The following PRKAG2 variants were observed in gnomAD, a reference collection of about 807,000 sequenced individuals.
PRKAG2 encodes the protein 5'-AMP-activated protein kinase subunit gamma-2.
A neutral mutation model predicts 69.6 loss-of-function variants in PRKAG2; 26 were observed. The ratio of observed to expected loss-of-function variants is 0.37; its 90% CI spans 0.27 to 0.52. PRKAG2 has a LOEUF of 0.52. PRKAG2 is among the 20% of genes least tolerant of loss of function. PRKAG2 has a pLI of 0.90. For missense variants in PRKAG2, 557 were observed against 740.0 expected (o/e 0.75, Z 2.87); for synonymous variants, 293 against 285.0 (o/e 1.03, Z -0.28).
In PRKAG2 at chr7:151,697,828, G is replaced by C. The variant is rs111465750; in HGVS notation, c.467-22191C>G. Among the ~76,000 whole-genome samples the C allele has an allele frequency of 4.8e-4, 73 of 152,264 alleles. 1 individual carries two copies. Reference sequence around the variant, plus strand: ...CCTGCCTTCCAACCTCATCCACCCAGTGGCTCAAGGCTGCCAGGATAAAGA... The same window carrying C: ...CCTGCCTTCCAACCTCATCCACCCACTGGCTCAAGGCTGCCAGGATAAAGA... On this transcript the variant is annotated intron_variant, in intron 3 of 15. Coordinates refer to ENST00000287878, the MANE Select transcript of PRKAG2 (RefSeq NM_016203.4).
chr7:151,821,308 G>A (rs1320109960), intron 1 of PRKAG2, among the ~76,000 whole-genome samples: 4 of 152,218 alleles, frequency 2.6e-5, no homozygotes, highest in Non-Finnish European at 5.9e-5. Flanking sequence ...ACACTGTCAA[G>A]GCTCTGGAAG....
At chr7:151,874,032 T>G (rs1344483643) in intron 1 of PRKAG2, among the ~76,000 whole-genome samples, 2 of 148,930 alleles carry the variant, frequency 1.3e-5, no homozygotes, top group African/African-American at 5.0e-5. Flanking sequence ...ATGATGTATA[T>G]GTATATGATG....
intron 1 of PRKAG2, among the ~76,000 whole-genome samples, chr7:151,831,195 AAT>A (rs2079018985): frequency 6.6e-6 from 1 of 152,194 alleles, no homozygotes; most frequent in Non-Finnish European, 1.5e-5. Context: ...TCAGAAGTTA[AAT>A]ATAAAGTCAC....
chr7:151,854,360 CA>C (rs1174201991), intron 1 of PRKAG2, among the ~76,000 whole-genome samples: 1 of 152,248 alleles, frequency 6.6e-6, no homozygotes, highest in East Asian at 1.9e-4. Context: ...CTGGACTTAG[CA>C]GCACACGGAC....
At position 151,861,858 on chromosome 7, in the gene PRKAG2, G is replaced by A. The variant is rs373149983; in HGVS notation, c.114+14649C>T. Among the ~76,000 whole-genome samples the A allele has an allele frequency of 1.5e-3, 235 of 152,078 alleles. 2 individuals carry two copies. Among genetic ancestry groups the A allele is most frequent in the African/African-American group, 5.6e-3 (232 of 41,478 alleles). ...GGGCAATCATTGACACCGGGGTTGC[G>A]ACCTTGGCCTCTGGCACCCAAACTC... On this transcript the variant is annotated intron_variant, in intron 1 of 15. Transcript: ENST00000287878.
At chr7:151,857,882 T>A (rs965148049) in intron 1 of PRKAG2, among the ~76,000 whole-genome samples, 4 of 152,220 alleles carry the variant, frequency 2.6e-5, no homozygotes, top group Admixed American at 6.5e-5. Flanking sequence ...TGATTTCCTG[T>A]CACTAGGAAG....
chr7:151,821,333 T>A (rs938160802), intron 1 of PRKAG2, among the ~76,000 whole-genome samples: 1 of 152,192 alleles, frequency 6.6e-6, no homozygotes, highest in African/African-American at 2.4e-5. Context: ...TAGAAGGCTG[T>A]GGAAGGCTCA....
intron 1 of PRKAG2, chr7:151,837,618 G>C (rs542019375): frequency 2.6e-5 from 4 of 152,296 alleles, no homozygotes; most frequent in South Asian, 2.1e-4. Context: ...CTCGAGGGGG[G>C]ACTGCAGGGA....
intron 4 of PRKAG2, 157 bp downstream of exon 4, chr7:151,675,263 C>A (rs540114565): frequency 1.7e-4 from 137 of 807,014 alleles, no homozygotes; most frequent in Non-Finnish European, 2.6e-4. Flanking sequence ...CTCACCATTT[C>A]TCCCTCAGCC....
intron 6 of PRKAG2, among the ~76,000 whole-genome samples, chr7:151,588,838 T>C (rs1971030): frequency 0.54 from 82,704 of 151,962 alleles, 23,297 homozygotes; most frequent in East Asian, 0.81. Context: ...GTCTCAGGTA[T>C]GTCTTTATTG....
chr7:151,772,877 T>G (rs1208298686), intron 3 of PRKAG2, among the ~76,000 whole-genome samples: 1 of 151,728 alleles, frequency 6.6e-6, no homozygotes. Context: ...TTCCACCTAT[T>G]GCGGGCAAAG....
intron 4 of PRKAG2, among the ~76,000 whole-genome samples, chr7:151,664,789 T>A (rs150333433): frequency 7.8e-4 from 119 of 152,328 alleles, no homozygotes; most frequent in African/African-American, 2.4e-3. Flanking sequence ...ACATCTCAAC[T>A]CTACAACACC....
At chr7:151,745,300 T>A in intron 3 of PRKAG2, among the ~76,000 whole-genome samples, 1 of 152,160 alleles carries the variant, frequency 6.6e-6, no homozygotes, top group South Asian at 2.1e-4. Flanking sequence ...TAGCACATAT[T>A]TGCCAGAGCT....
chr7:151,702,947 G>A (rs934722605), intron 3 of PRKAG2, among the ~76,000 whole-genome samples: 15 of 152,178 alleles, frequency 9.9e-5, no homozygotes, highest in African/African-American at 3.4e-4. Context: ...TAGAGTGAAT[G>A]TCAAACTGCC....
chr7:151,559,525 C>T (rs1584905936), intron 15 of PRKAG2: 1 of 982,364 alleles, frequency 1.0e-6, no homozygotes, highest in Non-Finnish European at 1.2e-6. Context: ...TGATGCCTGG[C>T]CTGAGGACCA....
At chr7:151,749,359 G>T (rs1434552962) in intron 3 of PRKAG2, among the ~76,000 whole-genome samples, 1 of 152,104 alleles carries the variant, frequency 6.6e-6, no homozygotes, top group African/African-American at 2.4e-5. Context: ...TGTAGTCCCC[G>T]GTATCCACCT....
At chr7:151,642,461 C>T (rs1826900303) in intron 4 of PRKAG2, among the ~76,000 whole-genome samples, 1 of 152,126 alleles carries the variant, frequency 6.6e-6, no homozygotes, top group African/African-American at 2.4e-5. Context: ...TCCACGAGTT[C>T]AAGGCTGCAG....
At chr7:151,752,572 A>AT (rs2074772815) in intron 3 of PRKAG2, among the ~76,000 whole-genome samples, 1 of 152,190 alleles carries the variant, frequency 6.6e-6, no homozygotes, top group African/African-American at 2.4e-5. Context: ...TAAAATAAAA[A>AT]TTTTTTAAAA....
At chr7:151,746,253 C>T (rs1049721342) in intron 3 of PRKAG2, among the ~76,000 whole-genome samples, 1 of 152,218 alleles carries the variant, frequency 6.6e-6, no homozygotes, top group African/African-American at 2.4e-5. Context: ...GAGCAATCCA[C>T]CTCCTCCTGC....
Sources: gnomAD v4.1 joint callset for allele counts (sites outside exome capture counted in the v4.1 genomes callset) on GRCh38, gnomAD v4.1.1 for gene constraint, MANE v1.5 for transcripts, NCBI Gene and HGNC (gene_info 2026-07-23, HGNC 2026-07-21) for gene names.